Variants in SLC12A2 observed in about 807,000 individuals in gnomAD.
The protein encoded by SLC12A2 is solute carrier family 12 member 2, also known as Na-K-2Cl cotransporter 1.
Under a neutral mutation model 136.3 loss-of-function variants are expected in SLC12A2, and 67 were observed. The observed-to-expected ratio is 0.49, with a 90% CI of 0.40 to 0.60. The LOEUF (loss-of-function observed/expected upper bound fraction) is 0.60, where lower values mean the gene tolerates loss of function less well. SLC12A2 is among the 20% of genes least tolerant of loss of function. SLC12A2 has a pLI of 0.00. For synonymous variants in SLC12A2, 619 were observed against 562.9 expected (o/e 1.10, Z -1.41); for missense variants, 1,322 against 1,534.7 (o/e 0.86, Z 2.32).
chr5:128,177,065 G>T, intron 20 of SLC12A2, 40 bp from the exon 21 acceptor site: 1 of 1,273,408 alleles, frequency 7.9e-7, no homozygotes, highest in Non-Finnish European at 1.1e-6. Context: ...TTAATATAAA[G>T]GCAATTAACA....
intron 1 of SLC12A2, among the ~76,000 whole-genome samples, chr5:128,099,659 C>T (rs924008887): frequency 4.6e-5 from 7 of 152,094 alleles, no homozygotes; most frequent in Admixed American, 3.9e-4. Flanking sequence ...TATCCTTGTT[C>T]TACAAACCTT....
Position 128,163,954 on chromosome 5 carries a change from C to T in SLC12A2, c.2616+2154C>T, listed in dbSNP as rs547058792. 3.9e-5 allele frequency among the ~76,000 whole-genome samples: 6 copies of T among 152,266 alleles called. No individual in the cohort carries two copies. The South Asian group carries it at 1.2e-3, about 32-fold the overall frequency. On this transcript the variant is annotated intron_variant, in intron 17 of 26. Coordinates refer to ENST00000262461, the MANE Select transcript of SLC12A2 (RefSeq NM_001046.3). ...TTGAAATATTTTAGGTAGAATGCTA[C>T]ACTGGGTCATATGGTTATTTCTAGT...
chr5:128,112,149 GAGAACAA>G (rs1163746432), intron 1 of SLC12A2, among the ~76,000 whole-genome samples: 1 of 152,096 alleles, frequency 6.6e-6, no homozygotes, highest in Non-Finnish European at 1.5e-5. Flanking sequence ...AGAGAAGTTA[GAGAACAA>G]AGAATTATGG....
At chr5:128,167,310 A>T (rs570428789) in intron 17 of SLC12A2, among the ~76,000 whole-genome samples, 2 of 152,222 alleles carry the variant, frequency 1.3e-5, no homozygotes, top group East Asian at 1.9e-4. Context: ...GTCAGCAAAA[A>T]CTTTTGCATG....
intron 1 of SLC12A2, among the ~76,000 whole-genome samples, chr5:128,093,903 C>G (rs898107801): frequency 1.3e-5 from 2 of 152,078 alleles, no homozygotes; most frequent in East Asian, 3.9e-4. Context: ...TCTGGTTTGC[C>G]TCTTCTTCAG....
At chr5:128,114,535 G>T in intron 3 of SLC12A2, 51 bp from the exon 4 acceptor site, 1 of 1,236,758 alleles carries the variant, frequency 8.1e-7, no homozygotes, top group South Asian at 1.2e-5. Context: ...AGATACCGAT[G>T]AGCTTAAACA....
intron 7 of SLC12A2, among the ~76,000 whole-genome samples, chr5:128,136,808 TG>T (rs1762205991): frequency 6.6e-6 from 1 of 152,158 alleles, no homozygotes; most frequent in Non-Finnish European, 1.5e-5. Context: ...TGTATTCTCA[TG>T]GCTCAAAATG....
chr5:128,161,904 A>T (rs781695397), intron 17 of SLC12A2, 104 bp downstream of exon 17: 2 of 805,202 alleles, frequency 2.5e-6, no homozygotes, highest in African/African-American at 3.6e-5. Flanking sequence ...AAAAATGGCA[A>T]ATCTTTTTTT....
intron 4 of SLC12A2, among the ~76,000 whole-genome samples, chr5:128,115,454 T>C (rs905112859): frequency 6.6e-6 from 1 of 152,148 alleles, no homozygotes. Context: ...CTTTCAAGTC[T>C]AGCTTTCTGT....
At position 128,187,022 on chromosome 5, in the gene SLC12A2, CAA is replaced by C. The variant is rs147676536; in HGVS notation, c.*393_*394del. ...CCTCTTTTATAAACTTATAGAATGT[CAA>C]ACTTTGCCTTCAACTGTTTTTATTT... is the stretch of plus-strand genomic sequence containing the variant. On this transcript the variant is annotated 3_prime_UTR_variant, in exon 27 of 27. Coordinates refer to ENST00000262461, the MANE Select transcript of SLC12A2 (RefSeq NM_001046.3). 0.015 allele frequency: 2,492 copies of C among 161,458 alleles called. 72 individuals carry two copies. The highest frequency in any genetic ancestry group is 0.056 in the African/African-American group (2,332 of 41,702). The allele number at this position is 161,458 out of a possible 1,614,324, so 10.0% of individuals were successfully genotyped here.
chr5:128,084,805 G>C lies in SLC12A2; in HGVS notation c.756+95G>C. 7.5e-7 allele frequency: 1 copy of C among 1,327,536 alleles called. No individual in the cohort carries two copies. Among genetic ancestry groups the C allele is most frequent in the Non-Finnish European group, 1.0e-6 (1 of 992,866 alleles). The allele number at this position is 1,327,536 out of a possible 1,614,324, so 82.2% of individuals were successfully genotyped here. On this transcript the variant is annotated intron_variant, in intron 1 of 26. Coordinates refer to ENST00000262461, the MANE Select transcript of SLC12A2 (RefSeq NM_001046.3). The surrounding 1 kb of genome is among the most constrained non-coding windows in gnomAD (Gnocchi z 5.6). ...CTCTTCCCGAGTTGAGGTGGCGGGAGTAGTAGACGTGCACGACTTGCTGGC... is the reference window on the plus strand; with the variant it reads ...CTCTTCCCGAGTTGAGGTGGCGGGACTAGTAGACGTGCACGACTTGCTGGC...
chr5:128,174,750 T>G, intron 20 of SLC12A2, 84 bp downstream of exon 20: 1 of 1,115,452 alleles, frequency 9.0e-7, no homozygotes, highest in Non-Finnish European at 1.2e-6. Flanking sequence ...ATATGTCTTA[T>G]AAAAATAACC....
chr5:128,156,186 C>T (rs747907003), intron 15 of SLC12A2, among the ~76,000 whole-genome samples: 31 of 152,070 alleles, frequency 2.0e-4, no homozygotes, highest in Non-Finnish European at 4.1e-4. Context: ...TTCCTAACTC[C>T]TAGGCATTTT....
chr5:128,129,502 T>G (rs1003114832), intron 4 of SLC12A2, among the ~76,000 whole-genome samples: 3 of 151,864 alleles, frequency 2.0e-5, no homozygotes, highest in Admixed American at 1.3e-4. Context: ...TTCAGGATCA[T>G]GAAAACTAAG....
At chr5:128,097,547 TG>T (rs1760589609) in intron 1 of SLC12A2, among the ~76,000 whole-genome samples, 1 of 152,118 alleles carries the variant, frequency 6.6e-6, no homozygotes, top group South Asian at 2.1e-4. Context: ...TGCCATTTTT[TG>T]TGCTAAGATT....
chr5:128,185,475 C>A (rs1763837908), intron 26 of SLC12A2, among the ~76,000 whole-genome samples: 1 of 151,918 alleles, frequency 6.6e-6, no homozygotes, highest in Non-Finnish European at 1.5e-5. Context: ...ACAAAAAAAG[C>A]CAAGTAATGA....
chr5:128,184,573 G>C, intron 25 of SLC12A2, 72 bp downstream of exon 25: 1 of 1,355,564 alleles, frequency 7.4e-7, no homozygotes, highest in Non-Finnish European at 1.0e-6. Context: ...ACTTTAATTT[G>C]ATATAGGAGG....
At chr5:128,177,217 T>C in intron 21 of SLC12A2, 65 bp downstream of exon 21, 1 of 1,149,182 alleles carries the variant, frequency 8.7e-7, no homozygotes, top group Non-Finnish European at 1.2e-6. Context: ...AACTCCAACC[T>C]TATTCCCTTT....
At chr5:128,182,760 G>T in intron 23 of SLC12A2, 95 bp from the exon 24 acceptor site, 1 of 818,232 alleles carries the variant, frequency 1.2e-6, no homozygotes, top group South Asian at 1.8e-5. Flanking sequence ...ATGATAGACT[G>T]ACTTTTTCTA....
Sources: gnomAD v4.1 joint callset for allele counts (sites outside exome capture counted in the v4.1 genomes callset) on GRCh38, gnomAD v4.1.1 for gene constraint, Gnocchi (gnomAD v3.1) non-coding constraint, MANE v1.5 for transcripts, NCBI Gene and HGNC (gene_info 2026-07-23, HGNC 2026-07-21) for gene names.